CCDC83: variants seen among roughly 807,000 people sequenced by gnomAD.
CCDC83 encodes the protein coiled-coil domain containing 83, also known as coiled-coil domain-containing protein 83.
In CCDC83, 54 loss-of-function variants were observed where a neutral mutation model predicts 50.1. That is an observed-to-expected ratio of 1.08 (90% CI 0.87 to 1.35). The LOEUF is 1.35. Ranked by LOEUF, CCDC83 falls within the 40% of genes most tolerant of loss-of-function variation. CCDC83 has a pLI of 0.00. For synonymous variants in CCDC83, 161 were observed against 153.3 expected (o/e 1.05, Z -0.37); for missense variants, 518 against 473.9 (o/e 1.09, Z -0.86).
At chr11:85,908,551 T>TTAGATAGATAGATAGA (rs58433339) in intron 7 of CCDC83, among the ~76,000 whole-genome samples, 11 of 137,420 alleles carry the variant, frequency 8.0e-5, no homozygotes, top group East Asian at 4.3e-4. Flanking sequence ...GACTAGATGA[T>TTAGATAGATAGATAGA]TAGATAGATA....
At chr11:85,886,042 C>T (rs11234463) in intron 4 of CCDC83, among the ~76,000 whole-genome samples, 158 bp from the exon 5 acceptor site, 31,863 of 151,992 alleles carry the variant, frequency 0.21, 3,725 homozygotes, top group Middle Eastern at 0.22. Context: ...AGATAAACAA[C>T]AGTTTGAATA....
intron 7 of CCDC83, among the ~76,000 whole-genome samples, chr11:85,903,801 T>C (rs911078436): frequency 3.9e-5 from 6 of 151,994 alleles, no homozygotes; most frequent in Non-Finnish European, 8.8e-5. Flanking sequence ...CATTTCTCCT[T>C]CACACTGCCT....
rs10594256 is a variant in CCDC83 at position 85,895,264 on chromosome 11, CTTTTTTTTT to C, written c.512-13_512-5del. On this transcript the variant is annotated intron_variant, in intron 5 of 10. Transcript: ENST00000342404. ...CATGCTTGATAAGGCTTTTAATTTT[CTTTTTTTTT>C]TTTTTTTTTTTTTTTAAAGAACACT... 408 of 363,106 alleles carry C rather than the reference CTTTTTTTTT, an allele frequency of 1.1e-3. 1 individual carries two copies. The highest frequency in any genetic ancestry group is 4.7e-3 in the East Asian group (105 of 22,294). The allele number at this position is 363,106 out of a possible 1,614,324, so 22.5% of individuals were successfully genotyped here.
chr11:85,896,820 G>C (rs2093378006), intron 6 of CCDC83, among the ~76,000 whole-genome samples: 1 of 151,090 alleles, frequency 6.6e-6, no homozygotes, highest in African/African-American at 2.4e-5. Context: ...AAATCAGTGA[G>C]GTCCCCACTA....
chr11:85,872,534 G>A (rs919114718), intron 2 of CCDC83, among the ~76,000 whole-genome samples: 3 of 151,972 alleles, frequency 2.0e-5, no homozygotes, highest in East Asian at 1.9e-4. Context: ...CACCTGCCAC[G>A]GCCTCCCAGA....
At chr11:85,911,244 A>C in intron 7 of CCDC83, 37 bp from the exon 8 acceptor site, 1 of 1,496,244 alleles carries the variant, frequency 6.7e-7, no homozygotes, top group Non-Finnish European at 8.9e-7. Context: ...AACTGAATCA[A>C]TAAGTACCAA....
intron 6 of CCDC83, among the ~76,000 whole-genome samples, chr11:85,897,472 A>G (rs905854720): frequency 6.6e-6 from 1 of 152,192 alleles, no homozygotes; most frequent in East Asian, 1.9e-4. Context: ...TATAATCCCA[A>G]TGCTGTGCAA....
intron 7 of CCDC83, among the ~76,000 whole-genome samples, chr11:85,910,586 T>A (rs1205082488): frequency 6.6e-6 from 1 of 152,224 alleles, no homozygotes; most frequent in Non-Finnish European, 1.5e-5. Flanking sequence ...GGGCCTAACT[T>A]AGCTACTAAT....
chr11:85,899,023 G>A lies in CCDC83; in HGVS notation c.672+8G>A, dbSNP rs1014063630. 1 of 1,593,586 alleles carries A rather than the reference G, an allele frequency of 6.3e-7. No homozygotes were observed. Among genetic ancestry groups the A allele is most frequent in the Non-Finnish European group, 8.6e-7 (1 of 1,163,942 alleles). ...GACTGGCTCAAAAAAGAGGTAAGTG[G>A]AATTTATCAAAACAAACAATTTCTT... is the stretch of plus-strand genomic sequence containing the variant. On this transcript the variant is annotated splice_region_variant and intron_variant, in intron 7 of 10. Transcript: ENST00000342404.
chr11:85,898,844 G>C, intron 6 of CCDC83, 103 bp from the exon 7 acceptor site: 1 of 818,986 alleles, frequency 1.2e-6, no homozygotes, highest in Non-Finnish European at 2.1e-6. Flanking sequence ...AGTAATTGCA[G>C]ACACAATCTA....
At chr11:85,882,190 T>C (rs1416674596) in intron 3 of CCDC83, among the ~76,000 whole-genome samples, 1 of 152,204 alleles carries the variant, frequency 6.6e-6, no homozygotes, top group African/African-American at 2.4e-5. Flanking sequence ...TATTGGCATC[T>C]ACATATTGTC....
intron 4 of CCDC83, among the ~76,000 whole-genome samples, chr11:85,884,677 G>A (rs1049105772): frequency 2.0e-5 from 3 of 152,156 alleles, no homozygotes; most frequent in Admixed American, 6.5e-5. Context: ...TCTCTGGGGC[G>A]TATGTGTTAC....
intron 3 of CCDC83, among the ~76,000 whole-genome samples, chr11:85,877,304 C>T (rs902299764): frequency 2.0e-5 from 3 of 152,096 alleles, no homozygotes; most frequent in Non-Finnish European, 4.4e-5. Flanking sequence ...GAGCCTGTCT[C>T]TACAAAAAAT....
intron 2 of CCDC83, among the ~76,000 whole-genome samples, chr11:85,870,802 T>C (rs1449460714): frequency 6.6e-6 from 1 of 152,220 alleles, no homozygotes; most frequent in Non-Finnish European, 1.5e-5. Context: ...TCAATATGTT[T>C]ATGTGTTTAC....
At chr11:85,900,112 T>C (rs886135982) in intron 7 of CCDC83, among the ~76,000 whole-genome samples, 1 of 152,154 alleles carries the variant, frequency 6.6e-6, no homozygotes, top group Non-Finnish European at 1.5e-5. Context: ...CTCAATGTTT[T>C]TGGAATCCTG....
At chr11:85,893,421 C>A (rs573857600) in intron 5 of CCDC83, among the ~76,000 whole-genome samples, 2 of 152,316 alleles carry the variant, frequency 1.3e-5, no homozygotes, top group South Asian at 4.1e-4. Flanking sequence ...ACCAGACCTG[C>A]AGATCTCCTT....
At chr11:85,875,690 C>A (rs2093265333) in intron 3 of CCDC83, among the ~76,000 whole-genome samples, 1 of 152,226 alleles carries the variant, frequency 6.6e-6, no homozygotes, top group African/African-American at 2.4e-5. Context: ...TTCATGCTAA[C>A]ACTAGTGGAA....
chr11:85,859,573 G>T (rs1196615284), intron 1 of CCDC83, among the ~76,000 whole-genome samples: 2 of 152,208 alleles, frequency 1.3e-5, no homozygotes, highest in East Asian at 1.9e-4. Context: ...AATGGGGAAA[G>T]AACTCCCTAT....
intron 2 of CCDC83, among the ~76,000 whole-genome samples, chr11:85,866,948 G>A (rs1167974380): frequency 1.3e-5 from 2 of 152,164 alleles, no homozygotes; most frequent in Non-Finnish European, 2.9e-5. Context: ...AGCAGATGCT[G>A]GTGATTTAGG....
Sources: gnomAD v4.1 joint callset for allele counts (sites outside exome capture counted in the v4.1 genomes callset) on GRCh38, gnomAD v4.1.1 for gene constraint, MANE v1.5 for transcripts, NCBI Gene and HGNC (gene_info 2026-07-23, HGNC 2026-07-21) for gene names.